The following RUNDC3B variants were observed in gnomAD, a reference collection of about 807,000 sequenced individuals.
The protein encoded by RUNDC3B is RUN domain-containing protein 3B.
RUNDC3B carries 33 observed loss-of-function variants against 58.4 expected under a neutral mutation model. The observed-to-expected ratio is 0.56, with a 90% CI of 0.43 to 0.75. The LOEUF is 0.75. Ranked by LOEUF, RUNDC3B falls within the 30% of genes least tolerant of loss-of-function variation. The pLI, the probability that RUNDC3B is intolerant of heterozygous loss-of-function variation, is 0.00. For synonymous variants in RUNDC3B, 193 were observed against 195.2 expected (o/e 0.99, Z 0.10); for missense variants, 501 against 535.7 (o/e 0.94, Z 0.64).
Position 87,711,293 on chromosome 7 carries a change from C to T in RUNDC3B, c.458+638C>T, listed in dbSNP as rs149875873. Among the ~76,000 whole-genome samples, 318 of 151,600 alleles carry T rather than the reference C, an allele frequency of 2.1e-3. 7 individuals are homozygous for T. In the East Asian group the frequency reaches 0.031, roughly 15 times the overall value. ...GAGAGCCGAGATTGAGCCATTGCACCGCAGCCTGAGCAACAAGAGAGAAAC... is the reference window on the plus strand; with the variant it reads ...GAGAGCCGAGATTGAGCCATTGCACTGCAGCCTGAGCAACAAGAGAGAAAC... On this transcript the variant is annotated intron_variant, in intron 4 of 10. Coordinates refer to ENST00000394654, the MANE Select transcript of RUNDC3B (RefSeq NM_001134405.2).
At chr7:87,744,769 GAC>G (rs1451972697) in intron 6 of RUNDC3B, among the ~76,000 whole-genome samples, 1 of 152,108 alleles carries the variant, frequency 6.6e-6, no homozygotes, top group Admixed American at 6.5e-5. Flanking sequence ...AGCAAACAGT[GAC>G]AGTTTGACTT....
intron 2 of RUNDC3B, among the ~76,000 whole-genome samples, chr7:87,666,170 T>C (rs993740593): frequency 2.6e-5 from 4 of 152,206 alleles, no homozygotes; most frequent in African/African-American, 9.7e-5. Context: ...GACTTTTTAG[T>C]AATAGCCATT....
At chr7:87,681,162 A>G (rs1826893393) in intron 2 of RUNDC3B, among the ~76,000 whole-genome samples, 2 of 150,674 alleles carry the variant, frequency 1.3e-5, no homozygotes, top group South Asian at 2.1e-4. Context: ...AAATAGTCCT[A>G]TATCTATTAA....
At chr7:87,673,363 A>T (rs118134487) in intron 2 of RUNDC3B, among the ~76,000 whole-genome samples, 203 of 152,242 alleles carry the variant, frequency 1.3e-3, no homozygotes, top group Middle Eastern at 3.4e-3. Flanking sequence ...GCAATGAATC[A>T]CATATTTTGT....
At chr7:87,800,562 C>A (rs1836089724) in intron 8 of RUNDC3B, among the ~76,000 whole-genome samples, 4 of 152,042 alleles carry the variant, frequency 2.6e-5, no homozygotes, top group Admixed American at 2.6e-4. Flanking sequence ...TTTTGAGGAA[C>A]CACCATGCAG....
chr7:87,722,031 A>G (rs1042560974), intron 4 of RUNDC3B, among the ~76,000 whole-genome samples: 1 of 151,982 alleles, frequency 6.6e-6, no homozygotes, highest in East Asian at 1.9e-4. Context: ...TCTTTTGTTC[A>G]TTCTGTTTCA....
rs986824736 is a variant in RUNDC3B, at chr7:87,679,250, G to A, written c.239-21171G>A. On this transcript the variant is annotated intron_variant, in intron 2 of 10. Transcript: ENST00000394654. ...TGGGACTACAGGTGCCCGCCACCAC[G>A]CCCGGGTAATTTTTTTGTATTTTTA... Among the ~76,000 whole-genome samples, 48 of 148,648 alleles carry A rather than the reference G, an allele frequency of 3.2e-4. 3 individuals carry two copies. The Admixed American group carries it at 3.2e-3, about 10-fold the overall frequency.
intron 6 of RUNDC3B, among the ~76,000 whole-genome samples, chr7:87,766,954 T>G (rs1248540771): frequency 6.6e-6 from 1 of 152,146 alleles, no homozygotes; most frequent in Non-Finnish European, 1.5e-5. Flanking sequence ...TTTTTTTTCT[T>G]TTTTTCTGAC....
At chr7:87,812,596 G>A (rs545023442) in intron 9 of RUNDC3B, among the ~76,000 whole-genome samples, 3 of 152,264 alleles carry the variant, frequency 2.0e-5, no homozygotes, top group Non-Finnish European at 2.9e-5. Context: ...GCAACAGAGT[G>A]AGACTCCATC....
chr7:87,712,066 A>G (rs1830137421), intron 4 of RUNDC3B, among the ~76,000 whole-genome samples: 6 of 152,180 alleles, frequency 3.9e-5, no homozygotes, highest in Admixed American at 3.3e-4. Context: ...CTAATTAAGT[A>G]TCTTTATTTA....
At chr7:87,770,547 T>G in intron 6 of RUNDC3B, 34 bp from the exon 7 acceptor site, 3 of 1,555,118 alleles carry the variant, frequency 1.9e-6, no homozygotes, top group East Asian at 2.3e-5. Context: ...TGGAACATAT[T>G]TTTAACTTTT....
intron 2 of RUNDC3B, among the ~76,000 whole-genome samples, chr7:87,684,297 T>C (rs1220814485): frequency 3.9e-5 from 6 of 152,204 alleles, no homozygotes; most frequent in African/African-American, 1.4e-4. Flanking sequence ...TCTCAAAGTT[T>C]TAGAAGGCTT....
intron 6 of RUNDC3B, among the ~76,000 whole-genome samples, chr7:87,767,131 T>A (rs1231998274): frequency 6.6e-6 from 1 of 152,196 alleles, no homozygotes; most frequent in Non-Finnish European, 1.5e-5. Flanking sequence ...ATCTTTCAGG[T>A]CCTGAATTGT....
At chr7:87,777,404 A>G (rs917607368) in intron 7 of RUNDC3B, among the ~76,000 whole-genome samples, 2 of 150,810 alleles carry the variant, frequency 1.3e-5, no homozygotes, top group African/African-American at 5.0e-5. Flanking sequence ...ACTACCTCTC[A>G]CTAACATATT....
At chr7:87,735,916 T>TAAATAAGTTACTATA (rs1286846804) in intron 4 of RUNDC3B, among the ~76,000 whole-genome samples, 2 of 152,194 alleles carry the variant, frequency 1.3e-5, no homozygotes, top group Non-Finnish European at 1.5e-5. Context: ...TATTTACCAT[T>TAAATAAGTTACTATA]GTAACTATAG....
At chr7:87,712,852 TATA>T in intron 4 of RUNDC3B, among the ~76,000 whole-genome samples, 1 of 152,136 alleles carries the variant, frequency 6.6e-6, no homozygotes, top group Admixed American at 6.5e-5. Flanking sequence ...CACACATACA[TATA>T]ATATTTACAC....
intron 1 of RUNDC3B, among the ~76,000 whole-genome samples, chr7:87,635,111 T>C (rs899007672): frequency 5.3e-5 from 8 of 152,336 alleles, no homozygotes; most frequent in African/African-American, 1.9e-4. Flanking sequence ...TGAGAGATGA[T>C]ATTCAAGGGG....
intron 6 of RUNDC3B, among the ~76,000 whole-genome samples, chr7:87,767,254 G>A (rs907386219): frequency 1.3e-5 from 2 of 151,990 alleles, no homozygotes; most frequent in African/African-American, 4.8e-5. Flanking sequence ...ATTTTGGTTA[G>A]GATCTATTCC....
intron 2 of RUNDC3B, among the ~76,000 whole-genome samples, chr7:87,676,454 A>T (rs1028012108): frequency 2.0e-5 from 3 of 151,542 alleles, no homozygotes; most frequent in African/African-American, 4.8e-5. Flanking sequence ...TAATTCCATC[A>T]CTTTGGGAGG....
Sources: gnomAD v4.1 joint callset for allele counts (sites outside exome capture counted in the v4.1 genomes callset) on GRCh38, gnomAD v4.1.1 for gene constraint, MANE v1.5 for transcripts, NCBI Gene and HGNC (gene_info 2026-07-23, HGNC 2026-07-21) for gene names.